The following DEPTOR variants were observed in gnomAD, a reference collection of about 807,000 sequenced individuals.
DEPTOR encodes the protein DEP domain-containing mTOR-interacting protein.
In DEPTOR, 41 loss-of-function variants were observed where a neutral mutation model predicts 41.6. That is an observed-to-expected ratio of 0.98 (90% CI 0.77 to 1.28). DEPTOR has a LOEUF of 1.28. DEPTOR is among the 50% of genes most tolerant of loss of function. The pLI is 0.00. For synonymous variants in DEPTOR, 195 were observed against 192.3 expected (o/e 1.01, Z -0.12); for missense variants, 514 against 527.9 (o/e 0.97, Z 0.26).
At chr8:119,962,742 A>G (rs1434760103) in intron 3 of DEPTOR, among the ~76,000 whole-genome samples, 3 of 152,198 alleles carry the variant, frequency 2.0e-5, no homozygotes, top group Admixed American at 6.6e-5. Context: ...GATGCATAGT[A>G]TAGTCAATTA....
chr8:120,023,974 G>A (rs1191475864), intron 8 of DEPTOR, among the ~76,000 whole-genome samples: 2 of 152,188 alleles, frequency 1.3e-5, no homozygotes, highest in South Asian at 2.1e-4. Context: ...GGTTGTTCAC[G>A]CCTGTAATCC....
chr8:119,917,069 C>T (rs757645249), intron 1 of DEPTOR, among the ~76,000 whole-genome samples: 4 of 152,156 alleles, frequency 2.6e-5, no homozygotes, highest in Non-Finnish European at 4.4e-5. Context: ...GGTGTGGGGC[C>T]TCATTTATCT....
chr8:119,891,505 T>A (rs1432440702), intron 1 of DEPTOR, among the ~76,000 whole-genome samples: 1 of 152,114 alleles, frequency 6.6e-6, no homozygotes, highest in East Asian at 1.9e-4. Flanking sequence ...TTAGGAGATG[T>A]TAGTGTACAT....
chr8:119,966,210 A>C (rs1326116714), intron 4 of DEPTOR, among the ~76,000 whole-genome samples: 3 of 152,172 alleles, frequency 2.0e-5, no homozygotes, highest in Admixed American at 1.3e-4. Flanking sequence ...CACACTTGTC[A>C]TCCCAGCACT....
At chr8:120,030,740 A>G (rs1264201293) in intron 8 of DEPTOR, among the ~76,000 whole-genome samples, 1 of 151,610 alleles carries the variant, frequency 6.6e-6, no homozygotes, top group East Asian at 1.9e-4. Flanking sequence ...CCTGACCTCA[A>G]GTAATGCACT....
chr8:119,982,000 TGA>T (rs200618127), intron 4 of DEPTOR, among the ~76,000 whole-genome samples: 1,256 of 118,846 alleles, frequency 0.011, 22 homozygotes, highest in African/African-American at 0.039. Context: ...GTCGACAGTG[TGA>T]GATTCCATCT....
intron 8 of DEPTOR, among the ~76,000 whole-genome samples, chr8:120,018,437 G>C (rs1024625318): frequency 1.3e-5 from 2 of 152,132 alleles, no homozygotes; most frequent in Non-Finnish European, 2.9e-5. Context: ...AAATTAGCAC[G>C]GCCTGGTAAC....
intron 1 of DEPTOR, 105 bp from the exon 2 acceptor site, chr8:119,928,295 C>A (rs1407429149): frequency 3.3e-6 from 4 of 1,214,798 alleles, no homozygotes; most frequent in Middle Eastern, 4.2e-4. Flanking sequence ...TTCAATGACA[C>A]CTTCATGCCT....
At chr8:120,034,220 T>C (rs1812938104) in intron 8 of DEPTOR, among the ~76,000 whole-genome samples, 1 of 150,464 alleles carries the variant, frequency 6.6e-6, no homozygotes, top group African/African-American at 2.5e-5. Flanking sequence ...ACCAAAACAC[T>C]ACGAACAAGA....
At chr8:119,967,906 G>A (rs377735432) in intron 4 of DEPTOR, among the ~76,000 whole-genome samples, 1 of 152,136 alleles carries the variant, frequency 6.6e-6, no homozygotes, top group East Asian at 1.9e-4. Context: ...TATTTTGGAA[G>A]CCATGGATCT....
At chr8:119,991,646 A>G (rs1423342445) in intron 4 of DEPTOR, among the ~76,000 whole-genome samples, 1 of 152,072 alleles carries the variant, frequency 6.6e-6, no homozygotes, top group Admixed American at 6.6e-5. Context: ...TTGCATTCAT[A>G]AGTTCCTAAC....
intron 4 of DEPTOR, among the ~76,000 whole-genome samples, chr8:119,979,882 T>TAA (rs1828741043): frequency 6.6e-6 from 1 of 152,034 alleles, no homozygotes; most frequent in Non-Finnish European, 1.5e-5. Context: ...GGGAACAAAA[T>TAA]GTGCTTCCTC....
intron 1 of DEPTOR, among the ~76,000 whole-genome samples, chr8:119,916,990 C>G (rs1031747891): frequency 6.6e-6 from 1 of 152,168 alleles, no homozygotes; most frequent in Non-Finnish European, 1.5e-5. Flanking sequence ...AGGCTGGTCT[C>G]GTACTCTTGG....
chr8:120,011,853 A>G (rs1812535163), intron 8 of DEPTOR, among the ~76,000 whole-genome samples: 1 of 152,198 alleles, frequency 6.6e-6, no homozygotes, highest in Admixed American at 6.5e-5. Flanking sequence ...TAGTTTCTTC[A>G]GAGGTACACA....
At chr8:119,906,372 C>T (rs1215976782) in intron 1 of DEPTOR, among the ~76,000 whole-genome samples, 1 of 151,902 alleles carries the variant, frequency 6.6e-6, no homozygotes, top group East Asian at 1.9e-4. Context: ...GGGAAGATCA[C>T]TTGAGCCCAA....
rs1370536537 is a variant in DEPTOR, at chr8:119,950,683, G to A, written c.426-14549G>A. 4.6e-5 allele frequency among the ~76,000 whole-genome samples: 7 copies of A among 151,768 alleles called. No homozygotes were observed. The East Asian group carries it at 5.8e-4, about 13-fold the overall frequency. ...GCAATCTCGGCTCATTGCAATCTCC[G>A]CCTCCCGTTCAAGCAATTCTCCTGC... On this transcript the variant is annotated intron_variant, in intron 3 of 8. Coordinates refer to ENST00000286234, the MANE Select transcript of DEPTOR (RefSeq NM_022783.4).
intron 3 of DEPTOR, among the ~76,000 whole-genome samples, chr8:119,957,346 C>T (rs1486744298): frequency 1.3e-5 from 2 of 152,170 alleles, no homozygotes. Flanking sequence ...AGCTTCTAAT[C>T]AAGTGAGCAA....
At chr8:119,947,949 G>T (rs945674005) in intron 3 of DEPTOR, among the ~76,000 whole-genome samples, 3 of 152,008 alleles carry the variant, frequency 2.0e-5, no homozygotes, top group Non-Finnish European at 4.4e-5. Flanking sequence ...CACATGATTT[G>T]TCCTGACCTC....
intron 1 of DEPTOR, among the ~76,000 whole-genome samples, chr8:119,899,405 G>A (rs6993797): frequency 0.5 from 75,748 of 152,006 alleles, 20,588 homozygotes; most frequent in East Asian, 0.92. Context: ...TTCTTTAAGC[G>A]GGAAAAGTTG....
Sources: gnomAD v4.1 joint callset for allele counts (sites outside exome capture counted in the v4.1 genomes callset) on GRCh38, gnomAD v4.1.1 for gene constraint, MANE v1.5 for transcripts, NCBI Gene and HGNC (gene_info 2026-07-23, HGNC 2026-07-21) for gene names.